Variants in DLGAP2 observed in about 807,000 individuals in gnomAD.
DLGAP2 encodes DLG associated protein 2, also known as disks large-associated protein 2.
Under a neutral mutation model 100.3 loss-of-function variants are expected in DLGAP2, and 26 were observed. That is an observed-to-expected ratio of 0.26 (90% CI 0.19 to 0.36). DLGAP2 has a LOEUF of 0.36. Among genes scored for constraint, DLGAP2 ranks in the 10% least tolerant of loss-of-function variants. The probability of loss-of-function intolerance (pLI) is 1.00; values close to 1 mark genes in which losing one functional copy is unlikely to be tolerated. For synonymous variants in DLGAP2, 886 were observed against 630.1 expected, an observed-to-expected ratio of 1.41 and a Z score of -6.08; for missense variants, 1,858 against 1,453.2, an observed-to-expected ratio of 1.28 and a Z score of -4.53.
Position 925,329 on chromosome 8 carries a change from C to T in DLGAP2, c.73+17363C>T, listed in dbSNP as rs560997334. Among the ~76,000 whole-genome samples, 12 of 152,044 alleles carry T rather than the reference C, an allele frequency of 7.9e-5. No individual in the cohort carries two copies. In the East Asian group the frequency reaches 2.1e-3, roughly 27 times the overall value. ...TAGAGGGGGTGTCTCCTTATGTTGCCGAGGCTGGTCTTGAATTCTAGGGCT... is the reference window on the plus strand; with the variant it reads ...TAGAGGGGGTGTCTCCTTATGTTGCTGAGGCTGGTCTTGAATTCTAGGGCT... On this transcript the variant is annotated intron_variant, in intron 2 of 14. Transcript: ENST00000637795.
chr8:1,145,913 T>G (rs1796598165), intron 2 of DLGAP2, among the ~76,000 whole-genome samples: 1 of 151,670 alleles, frequency 6.6e-6, no homozygotes, highest in African/African-American at 2.4e-5. Context: ...GATTTCCAAT[T>G]TCATCCATGT....
At chr8:1,535,590 G>A (rs1043811924) in intron 4 of DLGAP2, among the ~76,000 whole-genome samples, 2 of 152,230 alleles carry the variant, frequency 1.3e-5, no homozygotes, top group Non-Finnish European at 2.9e-5. Flanking sequence ...TAAGATGTGT[G>A]ATGGATTTGG....
At chr8:1,224,479 C>G (rs780185973) in intron 2 of DLGAP2, among the ~76,000 whole-genome samples, 2 of 152,126 alleles carry the variant, frequency 1.3e-5, no homozygotes, top group Admixed American at 6.5e-5. Flanking sequence ...TTTATTTCAT[C>G]TCAAAACTAT....
intron 2 of DLGAP2, among the ~76,000 whole-genome samples, chr8:1,112,887 A>G (rs905680664): frequency 6.6e-6 from 1 of 152,180 alleles, no homozygotes; most frequent in Non-Finnish European, 1.5e-5. Context: ...TGTACATGGC[A>G]TAAGGAAGGG....
At chr8:1,080,201 C>T (rs1312655184) in intron 2 of DLGAP2, among the ~76,000 whole-genome samples, 2 of 152,230 alleles carry the variant, frequency 1.3e-5, no homozygotes, top group African/African-American at 4.8e-5. Flanking sequence ...TTATTTTCCA[C>T]AAAACACTGA....
At chr8:1,438,344 C>CGTAA (rs1797712592) in intron 3 of DLGAP2, among the ~76,000 whole-genome samples, 1 of 152,162 alleles carries the variant, frequency 6.6e-6, no homozygotes, top group African/African-American at 2.4e-5. Flanking sequence ...AGACCAGTTA[C>CGTAA]AGTTAGCGTT....
rs544437243 is a variant in DLGAP2, at chr8:877,133, C to T, written c.19-30779C>T. Among the ~76,000 whole-genome samples, 5 of 152,224 alleles carry T rather than the reference C, an allele frequency of 3.3e-5. No homozygotes were observed. The South Asian group carries it at 1.0e-3, about 32-fold the overall frequency. ...TAATAAACCTGGCCTCTGGTCACTTCCACAGGTAGTTTGTGTTGCCTGCCT... is the reference window on the plus strand; with the variant it reads ...TAATAAACCTGGCCTCTGGTCACTTTCACAGGTAGTTTGTGTTGCCTGCCT... On this transcript the variant is annotated intron_variant, in intron 1 of 14. Coordinates refer to ENST00000637795, the MANE Select transcript of DLGAP2 (RefSeq NM_001346810.2).
Position 1,551,148 on chromosome 8 carries a change from C to T in DLGAP2, c.1230+1465C>T, listed in dbSNP as rs773785612. On this transcript the variant is annotated intron_variant, in intron 5 of 14. Transcript: ENST00000637795. ...CTTTGCAGGCAGATTTATTCAGAGA[C>T]AAATTGGTAGTTGCATAAAATATTA... is the stretch of plus-strand genomic sequence containing the variant. 2.0e-5 allele frequency among the ~76,000 whole-genome samples: 3 copies of T among 152,242 alleles called. No individual in the cohort carries two copies. In the East Asian group the frequency reaches 5.8e-4, roughly 29 times the overall value.
At chr8:1,503,214 C>G (rs7016318) in intron 4 of DLGAP2, among the ~76,000 whole-genome samples, 3,489 of 152,242 alleles carry the variant, frequency 0.023, 141 homozygotes, top group African/African-American at 0.079. Context: ...GCTGTATAGC[C>G]GTCAGCACCT....
At chr8:1,009,980 T>A (rs183959709) in intron 2 of DLGAP2, among the ~76,000 whole-genome samples, 276 of 152,358 alleles carry the variant, frequency 1.8e-3, no homozygotes, top group Admixed American at 0.017. Flanking sequence ...TAGCACAACT[T>A]ATCTTTCTGA....
intron 2 of DLGAP2, among the ~76,000 whole-genome samples, chr8:1,071,973 C>T (rs983766962): frequency 1.3e-5 from 2 of 152,168 alleles, no homozygotes; most frequent in African/African-American, 2.4e-5. Context: ...CGTGGTTTCT[C>T]GTCAGTGTGC....
intron 4 of DLGAP2, among the ~76,000 whole-genome samples, chr8:1,535,644 T>C (rs1202986219): frequency 6.6e-6 from 1 of 152,258 alleles, no homozygotes; most frequent in South Asian, 2.1e-4. Context: ...TAAGGCATAC[T>C]TCGTGTGCTA....
In DLGAP2 at chr8:989,111, A is replaced by C. The variant is rs556588519; in HGVS notation, c.73+81145A>C. On this transcript the variant is annotated intron_variant, in intron 2 of 14. Transcript: ENST00000637795. Reference sequence around the variant, plus strand: ...AGTCAGCCTCCATTGTGACGACCGCAGTGCAGTCCCAGCCTTCAGCCCTGC... The same window carrying C: ...AGTCAGCCTCCATTGTGACGACCGCCGTGCAGTCCCAGCCTTCAGCCCTGC... 5.3e-5 allele frequency among the ~76,000 whole-genome samples: 8 copies of C among 152,286 alleles called. No homozygotes were observed. The South Asian group carries it at 1.7e-3, about 32-fold the overall frequency.
chr8:1,074,308 C>G (rs1053050059), intron 2 of DLGAP2, among the ~76,000 whole-genome samples: 1 of 151,956 alleles, frequency 6.6e-6, no homozygotes, highest in South Asian at 2.1e-4. Flanking sequence ...TTCACTGTCA[C>G]AGAAGGGTTT....
intron 6 of DLGAP2, among the ~76,000 whole-genome samples, chr8:1,570,265 C>T (rs139972472): frequency 3.9e-5 from 6 of 152,362 alleles, no homozygotes; most frequent in Admixed American, 2.0e-4. Flanking sequence ...GTGCTGGGAA[C>T]GACTTGGGTT....
At chr8:1,563,381 G>T (rs34450860) in intron 5 of DLGAP2, among the ~76,000 whole-genome samples, 74 of 44,460 alleles carry the variant, frequency 1.7e-3, no homozygotes, top group South Asian at 4.5e-3. Context: ...GCTGTGTGGT[G>T]TTGGGGTGTC....
chr8:1,617,803 C>T (rs933920947), intron 6 of DLGAP2, among the ~76,000 whole-genome samples: 5 of 152,130 alleles, frequency 3.3e-5, no homozygotes, highest in Non-Finnish European at 7.3e-5. Context: ...CCAATACGAG[C>T]TAAAGCTCAA....
chr8:975,104 A>G (rs1800129591), intron 2 of DLGAP2, among the ~76,000 whole-genome samples: 1 of 152,196 alleles, frequency 6.6e-6, no homozygotes. Flanking sequence ...ATAAAAGAAT[A>G]CTATGAATAA....
At chr8:1,678,783 A>T in intron 12 of DLGAP2, 154 bp downstream of exon 12, 1 of 813,442 alleles carries the variant, frequency 1.2e-6, no homozygotes, top group African/African-American at 1.8e-5. Context: ...CAATTCTAAG[A>T]AAAGATATAA....
Sources: gnomAD v4.1 joint callset for allele counts (sites outside exome capture counted in the v4.1 genomes callset) on GRCh38, gnomAD v4.1.1 for gene constraint, MANE v1.5 for transcripts, NCBI Gene and HGNC (gene_info 2026-07-23, HGNC 2026-07-21) for gene names.